Variants in THADA observed in about 807,000 individuals in gnomAD.
The protein encoded by THADA is tRNA (32-2'-O)-methyltransferase regulator THADA.
In THADA, 213 loss-of-function variants were observed where a neutral mutation model predicts 219.8. That is an observed-to-expected ratio of 0.97 (90% confidence interval 0.87 to 1.09). The LOEUF (loss-of-function observed/expected upper bound fraction) is 1.09, where lower values mean the gene tolerates loss of function less well. THADA is among the 50% of genes least tolerant of loss of function. THADA has a pLI of 0.00. For synonymous variants in THADA, 1,018 were observed against 828.9 expected, an observed-to-expected ratio of 1.23 and a Z score of -3.92; for missense variants, 2,956 against 2,311.3, an observed-to-expected ratio of 1.28 and a Z score of -5.72.
At chr2:43,493,845 G>A (rs567572879) in intron 25 of THADA, among the ~76,000 whole-genome samples, 1 of 151,922 alleles carries the variant, frequency 6.6e-6, no homozygotes, top group East Asian at 1.9e-4. Context: ...CCATCTTTTG[G>A]TAGAACTATT....
At chr2:43,397,032 T>G (rs1047287548) in intron 29 of THADA, among the ~76,000 whole-genome samples, 1 of 152,276 alleles carries the variant, frequency 6.6e-6, no homozygotes, top group Non-Finnish European at 1.5e-5. Flanking sequence ...AAAGTCCCTA[T>G]GAGGTATATG....
intron 29 of THADA, among the ~76,000 whole-genome samples, chr2:43,377,541 T>G (rs1244839251): frequency 6.6e-6 from 1 of 152,210 alleles, no homozygotes; most frequent in South Asian, 2.1e-4. Flanking sequence ...CTGAGAGCAC[T>G]GTGCAAAGCT....
Position 43,285,831 on chromosome 2 carries a change from G to T in THADA, c.5164+1077C>A, listed in dbSNP as rs552417196. ...CTCCTAATGTGCTGGGATTACAGAC[G>T]TGAGCCACTGTGCCTGGCTCAGGTA... is the stretch of plus-strand genomic sequence containing the variant. On this transcript the variant is annotated intron_variant, in intron 35 of 37. Coordinates refer to ENST00000405975, the MANE Select transcript of THADA (RefSeq NM_022065.5). Among the ~76,000 whole-genome samples the T allele has an allele frequency of 2.1e-3, 314 of 152,302 alleles. 1 individual carries two copies. Among genetic ancestry groups the T allele is most frequent in the Non-Finnish European group, 3.2e-3 (219 of 68,032 alleles).
At chr2:43,369,504 T>C (rs1670558720) in intron 29 of THADA, among the ~76,000 whole-genome samples, 1 of 152,158 alleles carries the variant, frequency 6.6e-6, no homozygotes, top group South Asian at 2.1e-4. Context: ...CAATAACTTA[T>C]CTCTTATATT....
At chr2:43,294,091 G>A (rs1268853189) in intron 31 of THADA, among the ~76,000 whole-genome samples, 1 of 152,170 alleles carries the variant, frequency 6.6e-6, no homozygotes, top group Non-Finnish European at 1.5e-5. Context: ...AAGCCAAGAT[G>A]TGTTTTCTTT....
At chr2:43,310,553 G>A (rs1677389186) in intron 31 of THADA, among the ~76,000 whole-genome samples, 1 of 152,186 alleles carries the variant, frequency 6.6e-6, no homozygotes, top group African/African-American at 2.4e-5. Flanking sequence ...CCAAAGGAAT[G>A]AGGCTGAATC....
At chr2:43,586,042 A>T (rs1574380536) in intron 7 of THADA, among the ~76,000 whole-genome samples, 1 of 152,226 alleles carries the variant, frequency 6.6e-6, no homozygotes, top group East Asian at 1.9e-4. Context: ...AAGCGGGCAC[A>T]TTACTTCAGT....
At chr2:43,308,346 C>T (rs540908281) in intron 31 of THADA, among the ~76,000 whole-genome samples, 8 of 152,004 alleles carry the variant, frequency 5.3e-5, no homozygotes, top group Non-Finnish European at 1.5e-5. Context: ...ACTTAATTTA[C>T]ATTTGAATGG....
At chr2:43,254,656 G>C (rs1670127460) in intron 36 of THADA, among the ~76,000 whole-genome samples, 1 of 151,940 alleles carries the variant, frequency 6.6e-6, no homozygotes, top group Non-Finnish European at 1.5e-5. Flanking sequence ...TTGAAATTCT[G>C]CCCATCCTTT....
chr2:43,496,046 A>T (rs557359143), intron 25 of THADA, among the ~76,000 whole-genome samples: 3 of 152,332 alleles, frequency 2.0e-5, no homozygotes, highest in African/African-American at 7.2e-5. Context: ...CTTTCACTGC[A>T]AAATACTTAC....
intron 29 of THADA, among the ~76,000 whole-genome samples, chr2:43,349,441 G>A (rs1242998744): frequency 6.6e-6 from 1 of 152,142 alleles, no homozygotes; most frequent in African/African-American, 2.4e-5. Flanking sequence ...GCAGTTCCCT[G>A]AAAAAACTTG....
At chr2:43,472,762 A>G (rs1033439344) in intron 26 of THADA, among the ~76,000 whole-genome samples, 1 of 152,246 alleles carries the variant, frequency 6.6e-6, no homozygotes, top group African/African-American at 2.4e-5. Flanking sequence ...AACCCATTAC[A>G]TAGCTAGGCT....
intron 26 of THADA, among the ~76,000 whole-genome samples, chr2:43,458,024 C>T (rs181108875): frequency 2.6e-5 from 4 of 152,180 alleles, no homozygotes; most frequent in Admixed American, 2.6e-4. Flanking sequence ...AAAACAAACA[C>T]AACCATAAAT....
At chr2:43,396,645 AC>A (rs1243517519) in intron 29 of THADA, among the ~76,000 whole-genome samples, 14 of 152,000 alleles carry the variant, frequency 9.2e-5, no homozygotes, top group Non-Finnish European at 1.6e-4. Context: ...TACTAAAAAT[AC>A]AAAAATTAGT....
At chr2:43,306,770 G>A (rs1295079180) in intron 31 of THADA, among the ~76,000 whole-genome samples, 1 of 152,188 alleles carries the variant, frequency 6.6e-6, no homozygotes, top group Non-Finnish European at 1.5e-5. Context: ...GAGGAGTTAG[G>A]TTAATTCTGC....
chr2:43,439,347 ATTAG>A (rs1192439783), intron 26 of THADA, among the ~76,000 whole-genome samples: 2 of 152,198 alleles, frequency 1.3e-5, no homozygotes, highest in Non-Finnish European at 2.9e-5. Context: ...CTATTTCATT[ATTAG>A]TTACTGTTGT....
At chr2:43,392,465 G>A (rs1673505565) in intron 29 of THADA, among the ~76,000 whole-genome samples, 1 of 152,120 alleles carries the variant, frequency 6.6e-6, no homozygotes, top group Non-Finnish European at 1.5e-5. Context: ...AAGGATGGTT[G>A]GTTCCATCCC....
intron 30 of THADA, chr2:43,343,887 G>T: frequency 2.6e-6 from 1 of 388,544 alleles, no homozygotes; most frequent in African/African-American, 2.0e-5. Context: ...CTGATTGGTG[G>T]GCAGACAAAA....
At chr2:43,385,335 G>A (rs978620412) in intron 29 of THADA, among the ~76,000 whole-genome samples, 7 of 151,652 alleles carry the variant, frequency 4.6e-5, no homozygotes, top group Non-Finnish European at 8.8e-5. Flanking sequence ...AGCTGGGTGC[G>A]GTGGCTCATG....
Sources: gnomAD v4.1 joint callset for allele counts (sites outside exome capture counted in the v4.1 genomes callset) on GRCh38, gnomAD v4.1.1 for gene constraint, MANE v1.5 for transcripts, NCBI Gene and HGNC (gene_info 2026-07-23, HGNC 2026-07-21) for gene names.